Variants in IGSF5 observed in about 807,000 individuals in gnomAD.
IGSF5 encodes immunoglobulin superfamily member 5.
In IGSF5, 41 loss-of-function variants were observed where a neutral mutation model predicts 39.4. That is an observed-to-expected ratio of 1.04 (90% CI 0.81 to 1.35). The LOEUF (loss-of-function observed/expected upper bound fraction) is 1.35, where lower values mean the gene tolerates loss of function less well. Ranked by LOEUF, IGSF5 falls within the 40% of genes most tolerant of loss-of-function variation. The pLI, the probability that IGSF5 is intolerant of heterozygous loss-of-function variation, is 0.00. For missense variants in IGSF5, 487 were observed against 494.6 expected, an observed-to-expected ratio of 0.98 and a Z score of 0.15; for synonymous variants, 183 against 175.3, an observed-to-expected ratio of 1.04 and a Z score of -0.34.
intron 4 of IGSF5, among the ~76,000 whole-genome samples, chr21:39,777,654 G>T (rs186617882): frequency 6.6e-6 from 1 of 152,248 alleles, no homozygotes; most frequent in East Asian, 1.9e-4. Flanking sequence ...GAGATAGACA[G>T]CATTAGGAAA....
intron 5 of IGSF5, among the ~76,000 whole-genome samples, chr21:39,781,951 G>T (rs2080172907): frequency 1.3e-5 from 2 of 151,874 alleles, no homozygotes; most frequent in Admixed American, 6.6e-5. Context: ...TTTTTTTCTG[G>T]TGCTTATATC....
At chr21:39,745,925 G>A (rs1030976481) in intron 1 of IGSF5, among the ~76,000 whole-genome samples, 1 of 152,068 alleles carries the variant, frequency 6.6e-6, no homozygotes, top group Non-Finnish European at 1.5e-5. Flanking sequence ...GGGGGTGGGG[G>A]GTCCTTGCTC....
At chr21:39,794,803 C>T (rs2086985589) in intron 8 of IGSF5, among the ~76,000 whole-genome samples, 1 of 152,146 alleles carries the variant, frequency 6.6e-6, no homozygotes, top group Non-Finnish European at 1.5e-5. Context: ...CGGTGCCCAG[C>T]AGGTGCCTGT....
rs982025366 is a variant in IGSF5 at position 39,801,254 on chromosome 21, G to A, written c.1129-8G>A. 18 of 1,612,574 alleles carry A rather than the reference G, an allele frequency of 1.1e-5. No homozygotes were observed. In the African/African-American group the frequency reaches 1.3e-4, roughly 12 times the overall value. ...ATTAAATTGACTTTTTTCCTCCTCT[G>A]TTGCCAGCGGGCTGATCAACGTCCA... On this transcript the variant is annotated splice_region_variant and splice_polypyrimidine_tract_variant and intron_variant, in intron 8 of 8. Transcript: ENST00000380588.
At chr21:39,792,492 A>T (rs554869085) in intron 7 of IGSF5, among the ~76,000 whole-genome samples, 1 of 152,206 alleles carries the variant, frequency 6.6e-6, no homozygotes, top group Non-Finnish European at 1.5e-5. Flanking sequence ...ACAAACATGC[A>T]CGTTGTGCAC....
At chr21:39,796,349 G>A (rs1601144773) in intron 8 of IGSF5, among the ~76,000 whole-genome samples, 1 of 152,158 alleles carries the variant, frequency 6.6e-6, no homozygotes, top group East Asian at 1.9e-4. Flanking sequence ...AGCCCTGCCA[G>A]GCCTATGTCA....
At chr21:39,730,754 A>G in the IGSF5 span, 9 of 152,192 alleles carry the variant, frequency 5.9e-5, no homozygotes, top group African/African-American at 1.2e-4. Context: ...TTCCGAAGGC[A>G]ATTTATACTT....
At chr21:39,749,117 A>C (rs149311495) in intron 2 of IGSF5, among the ~76,000 whole-genome samples, 1 of 152,210 alleles carries the variant, frequency 6.6e-6, no homozygotes, top group African/African-American at 2.4e-5. Flanking sequence ...TTAAAGAGTT[A>C]AAAGGCTTAT....
At chr21:39,789,303 A>G (rs1344481162) in intron 6 of IGSF5, among the ~76,000 whole-genome samples, 1 of 152,224 alleles carries the variant, frequency 6.6e-6, no homozygotes, top group Non-Finnish European at 1.5e-5. Context: ...ATAGAATATG[A>G]CACTGGGAGC....
chr21:39,737,192 A>C, the IGSF5 span, among the ~76,000 whole-genome samples: 1 of 151,718 alleles, frequency 6.6e-6, no homozygotes, highest in Non-Finnish European at 1.5e-5. Context: ...GAAAAAAAAA[A>C]AAACCCCTCA....
chr21:39,793,008 C>CG (rs1197912675), intron 7 of IGSF5, among the ~76,000 whole-genome samples: 1 of 96,268 alleles, frequency 1.0e-5, no homozygotes, highest in African/African-American at 3.7e-5. Flanking sequence ...TCAGCAGCCC[C>CG]ATTTTTTTTG....
At chr21:39,770,814 A>T in intron 3 of IGSF5, 102 bp from the exon 4 acceptor site, 1 of 873,516 alleles carries the variant, frequency 1.1e-6, no homozygotes, top group Non-Finnish European at 1.6e-6. Context: ...CACAAAATGT[A>T]ATTTGAAGCA....
intron 5 of IGSF5, among the ~76,000 whole-genome samples, chr21:39,784,196 C>A (rs2080185434): frequency 1.3e-5 from 2 of 152,090 alleles, no homozygotes; most frequent in Admixed American, 6.6e-5. Context: ...TCCATATGCC[C>A]CAGATGGGTT....
chr21:39,744,998 C>T (rs1386862693), upstream of IGSF5, among the ~76,000 whole-genome samples: 1 of 152,104 alleles, frequency 6.6e-6, no homozygotes, highest in African/African-American at 2.4e-5. Context: ...TAGAGAAGAT[C>T]TTCAATTATC....
intron 2 of IGSF5, among the ~76,000 whole-genome samples, chr21:39,757,720 G>A (rs7282429): frequency 0.82 from 123,977 of 151,798 alleles, 50,810 homozygotes; most frequent in Admixed American, 0.86. Flanking sequence ...GGGATTACAG[G>A]TGCATACCAC....
At chr21:39,766,578 T>C (rs927972894) in intron 3 of IGSF5, among the ~76,000 whole-genome samples, 1 of 152,148 alleles carries the variant, frequency 6.6e-6, no homozygotes, top group Admixed American at 6.5e-5. Flanking sequence ...ATATATCAAG[T>C]CATTGAGAGA....
chr21:39,760,010 G>T (rs773311750), intron 2 of IGSF5, among the ~76,000 whole-genome samples: 91 of 152,082 alleles, frequency 6.0e-4, no homozygotes, highest in Non-Finnish European at 9.0e-4. Context: ...CCCAAAATTT[G>T]TAATGAATGC....
Position 39,745,435 on chromosome 21 carries a change from G to A in IGSF5, c.-75G>A. ...ATTAGTACCTAGGAGGCAGGGATCA[G>A]AGGAAGTAGATTCAGAGGTAAGGAG... On this transcript the variant is annotated 5_prime_UTR_variant, in exon 1 of 9. Coordinates refer to ENST00000380588, the MANE Select transcript of IGSF5 (RefSeq NM_001080444.2). 2.9e-6 allele frequency: 2 copies of A among 701,372 alleles called. No individual in the cohort carries two copies. The highest frequency in any genetic ancestry group is 5.2e-6 in the Non-Finnish European group (2 of 381,736). 43.4% of individuals were successfully genotyped at this position (701,372 alleles called of 1,614,324 possible).
intron 1 of IGSF5, 32 bp downstream of exon 1, chr21:39,745,558 A>G (rs1390597279): frequency 4.2e-6 from 3 of 716,350 alleles, no homozygotes; most frequent in African/African-American, 1.7e-5. Context: ...ACTGTTGAGT[A>G]GAGACTTCTG....
Sources: gnomAD v4.1 joint callset for allele counts (sites outside exome capture counted in the v4.1 genomes callset) on GRCh38, gnomAD v4.1.1 for gene constraint, MANE v1.5 for transcripts, NCBI Gene and HGNC (gene_info 2026-07-23, HGNC 2026-07-21) for gene names.